ARHGEF3: variants seen among roughly 807,000 people sequenced by gnomAD.
The protein encoded by ARHGEF3 is 59.8 kDA protein.
A neutral mutation model predicts 63.2 loss-of-function variants in ARHGEF3; 28 were observed. The ratio of observed to expected loss-of-function variants is 0.44; its 90% CI spans 0.33 to 0.61. The LOEUF is 0.61. Among genes scored for constraint, ARHGEF3 ranks in the 20% least tolerant of loss-of-function variants. The pLI is 0.03. For missense variants in ARHGEF3, 533 were observed against 659.3 expected, an observed-to-expected ratio of 0.81 and a Z score of 2.10; for synonymous variants, 266 against 254.2, an observed-to-expected ratio of 1.05 and a Z score of -0.44.
intron 3 of ARHGEF3, among the ~76,000 whole-genome samples, chr3:56,951,449 C>T (rs573677745): frequency 1.3e-5 from 2 of 151,920 alleles, no homozygotes; most frequent in South Asian, 2.1e-4. Flanking sequence ...AGACATAATG[C>T]TATTACACAC....
intron 2 of ARHGEF3, among the ~76,000 whole-genome samples, chr3:56,768,919 C>T (rs959687851): frequency 2.4e-4 from 36 of 152,100 alleles, no homozygotes; most frequent in Non-Finnish European, 1.8e-4. Flanking sequence ...AGCAGATCAC[C>T]CAGACAGAGA....
At chr3:56,799,035 A>T (rs1187086912) in intron 1 of ARHGEF3, among the ~76,000 whole-genome samples, 1 of 152,264 alleles carries the variant, frequency 6.6e-6, no homozygotes, top group Non-Finnish European at 1.5e-5. Context: ...CTTTTAAAGA[A>T]AATAAAAATA....
chr3:56,854,671 G>A (rs777613921), intron 4 of ARHGEF3, among the ~76,000 whole-genome samples: 114 of 151,546 alleles, frequency 7.5e-4, no homozygotes, highest in Admixed American at 1.6e-3. Context: ...GTTGAGATTT[G>A]GTGGGAAACA....
intron 3 of ARHGEF3, among the ~76,000 whole-genome samples, chr3:56,934,792 G>A (rs11711271): frequency 0.75 from 113,942 of 152,128 alleles, 42,999 homozygotes; most frequent in East Asian, 0.95. Flanking sequence ...CCCGACGAGC[G>A]CCACCCCCTG....
intron 3 of ARHGEF3, among the ~76,000 whole-genome samples, chr3:56,893,811 C>CAAAAAAAAAA (rs537483698): frequency 6.3e-5 from 5 of 79,558 alleles, no homozygotes; most frequent in East Asian, 3.5e-4. Flanking sequence ...GACTCTGTCT[C>CAAAAAAAAAA]AAAAAAAAAA....
intron 1 of ARHGEF3, among the ~76,000 whole-genome samples, chr3:57,040,338 G>A (rs560025325): frequency 2.4e-4 from 37 of 152,134 alleles, no homozygotes; most frequent in African/African-American, 6.5e-4. Context: ...TTAGCCAGCC[G>A]TGGTGGCACG....
chr3:57,034,583 C>T (rs1486814561), intron 2 of ARHGEF3, among the ~76,000 whole-genome samples: 1 of 150,762 alleles, frequency 6.6e-6, no homozygotes, highest in African/African-American at 2.4e-5. Context: ...CTGGCAGAGA[C>T]GTGAAAGAAA....
chr3:56,985,476 T>C (rs116496086), intron 2 of ARHGEF3, among the ~76,000 whole-genome samples: 1 of 152,218 alleles, frequency 6.6e-6, no homozygotes, highest in Non-Finnish European at 1.5e-5. Flanking sequence ...GCAGCCAGAA[T>C]AGCATTGCAC....
intron 2 of ARHGEF3, among the ~76,000 whole-genome samples, chr3:56,994,680 A>G (rs1701903848): frequency 6.6e-6 from 1 of 152,128 alleles, no homozygotes; most frequent in South Asian, 2.1e-4. Flanking sequence ...TTTTCTCATT[A>G]AACCTGTAAC....
intron 3 of ARHGEF3, among the ~76,000 whole-genome samples, chr3:56,942,722 C>A (rs970315579): frequency 6.6e-6 from 1 of 152,216 alleles, no homozygotes; most frequent in East Asian, 1.9e-4. Context: ...TTGTACCCAA[C>A]AGCCGAGTTG....
At chr3:56,781,887 A>C (rs779676512) in intron 1 of ARHGEF3, among the ~76,000 whole-genome samples, 6 of 152,174 alleles carry the variant, frequency 3.9e-5, no homozygotes, top group Non-Finnish European at 4.4e-5. Context: ...CAAAGAGTCA[A>C]GAGAGTCAGT....
In ARHGEF3 at chr3:56,745,481, G is replaced by A. The variant is rs370046243; in HGVS notation, c.613-19C>T. On this transcript the variant is annotated intron_variant, in intron 6 of 9. Transcript: ENST00000296315. ...AAGGGAGCTAAGAAGGAAACAGAAAGAGAAGGTTGGAATGTCAAAATAATT... is the reference window on the plus strand; with the variant it reads ...AAGGGAGCTAAGAAGGAAACAGAAAAAGAAGGTTGGAATGTCAAAATAATT... 1.1e-5 allele frequency: 17 copies of A among 1,610,412 alleles called. No individual in the cohort carries two copies. The highest frequency in any genetic ancestry group is 1.4e-5 in the Non-Finnish European group (17 of 1,178,168).
chr3:56,776,382 T>C (rs2036287097), intron 1 of ARHGEF3, among the ~76,000 whole-genome samples: 1 of 152,188 alleles, frequency 6.6e-6, no homozygotes, highest in Admixed American at 6.6e-5. Flanking sequence ...CATTCCCAAG[T>C]AATGAACAAT....
intron 4 of ARHGEF3, among the ~76,000 whole-genome samples, chr3:56,816,275 G>C (rs927803611): frequency 7.2e-5 from 11 of 152,060 alleles, no homozygotes; most frequent in African/African-American, 2.7e-4. Flanking sequence ...TAAACCACAG[G>C]CTTCTCAAAG....
chr3:56,934,181 A>T (rs952439520), intron 3 of ARHGEF3, among the ~76,000 whole-genome samples: 1 of 152,218 alleles, frequency 6.6e-6, no homozygotes, highest in Non-Finnish European at 1.5e-5. Context: ...CCTTCCCAGG[A>T]TATTTGCCCC....
chr3:57,037,357 C>T (rs970475419), intron 1 of ARHGEF3, among the ~76,000 whole-genome samples: 1 of 152,186 alleles, frequency 6.6e-6, no homozygotes, highest in Non-Finnish European at 1.5e-5. Flanking sequence ...CAAGGTTGCT[C>T]AGTGTCCCAA....
At position 56,741,242 on chromosome 3, in the gene ARHGEF3, A is replaced by G. The variant is rs574142831; in HGVS notation, c.871-3887T>C. The stretch of plus-strand genomic sequence containing the variant: ...CTCTTGTTGCCCAGGCTAGAGTGCA[A>G]TGGCGCAATCTCGGCTCACTGCAAC... On this transcript the variant is annotated intron_variant, in intron 7 of 9. Transcript: ENST00000296315. Among the ~76,000 whole-genome samples, 15 of 145,252 alleles carry G rather than the reference A, an allele frequency of 1.0e-4. No homozygotes were observed. In the South Asian group the frequency reaches 2.6e-3, roughly 25 times the overall value.
chr3:56,868,390 G>A (rs977314286), intron 4 of ARHGEF3, among the ~76,000 whole-genome samples: 36 of 145,692 alleles, frequency 2.5e-4, no homozygotes, highest in Non-Finnish European at 4.2e-4. Flanking sequence ...ACAGAGTCTC[G>A]CTCTGTCACC....
chr3:56,910,548 A>T (rs746812878), intron 3 of ARHGEF3, among the ~76,000 whole-genome samples: 10 of 152,220 alleles, frequency 6.6e-5, no homozygotes, highest in Non-Finnish European at 1.3e-4. Context: ...GTTTTAGGAA[A>T]CACATTTCCA....
Sources: allele counts gnomAD v4.1 joint callset (sites outside exome capture counted in the v4.1 genomes callset), GRCh38; gene constraint gnomAD v4.1.1; transcripts MANE v1.5; gene names NCBI Gene and HGNC (gene_info 2026-07-23, HGNC 2026-07-21).